BRD10: variants seen among roughly 807,000 people sequenced by gnomAD.
The protein encoded by BRD10 is bromodomain containing 10, also known as uncharacterized bromodomain-containing protein 10.
chr9:5,944,946 A>G, the BRD10 span: 1 of 1,524,450 alleles, frequency 6.6e-7, no homozygotes, highest in Non-Finnish European at 8.9e-7. Flanking sequence ...GTTCATCAAG[A>G]TTAGTGCAAA....
the BRD10 span, among the ~76,000 whole-genome samples, chr9:5,992,351 G>C: frequency 0.059 from 8,984 of 152,014 alleles, 508 homozygotes; most frequent in African/African-American, 0.14. Flanking sequence ...CATAATTAAG[G>C]TTTAAAAATT....
At chr9:5,917,636 GAGGTC>G in the BRD10 span, among the ~76,000 whole-genome samples, 1 of 152,230 alleles carries the variant, frequency 6.6e-6, no homozygotes, top group South Asian at 2.1e-4. Flanking sequence ...CGGATCACCT[GAGGTC>G]AGGAGTTCGA....
At chr9:5,882,685 CT>C in the BRD10 span, among the ~76,000 whole-genome samples, 1 of 152,188 alleles carries the variant, frequency 6.6e-6, no homozygotes, top group African/African-American at 2.4e-5. Context: ...TTCACTTTTC[CT>C]TTAAAAACCC....
At chr9:6,007,196 G>A in the BRD10 span, 5 of 1,610,772 alleles carry the variant, frequency 3.1e-6, no homozygotes, top group African/African-American at 2.7e-5. Context: ...CTCGCTTACC[G>A]AGAGAGAAGC....
the BRD10 span, among the ~76,000 whole-genome samples, chr9:5,927,936 C>T: frequency 6.6e-6 from 1 of 152,160 alleles, no homozygotes; most frequent in Admixed American, 6.5e-5. Flanking sequence ...TACCTCCAGA[C>T]TCCCTTGAAC....
chr9:5,949,736 C>T, the BRD10 span, among the ~76,000 whole-genome samples: 1 of 152,052 alleles, frequency 6.6e-6, no homozygotes, highest in Non-Finnish European at 1.5e-5. Flanking sequence ...AGACTCAACA[C>T]ATTAGTTTTT....
the BRD10 span, among the ~76,000 whole-genome samples, chr9:5,952,039 A>AT: frequency 1.5e-4 from 22 of 151,618 alleles, no homozygotes; most frequent in Admixed American, 9.9e-4. Flanking sequence ...TTATTTATTT[A>AT]GAGACAGAGT....
At chr9:5,993,417 T>G in the BRD10 span, among the ~76,000 whole-genome samples, 1 of 151,750 alleles carries the variant, frequency 6.6e-6, no homozygotes, top group Non-Finnish European at 1.5e-5. Context: ...CTAAGGGTCC[T>G]GGAAAGAAAT....
At chr9:5,916,499 A>ATGTATG in the BRD10 span, among the ~76,000 whole-genome samples, 1 of 148,256 alleles carries the variant, frequency 6.7e-6, no homozygotes, top group Non-Finnish European at 1.5e-5. Flanking sequence ...GTGTATATAT[A>ATGTATG]TGTATGTGTA....
the BRD10 span, among the ~76,000 whole-genome samples, chr9:5,889,553 G>A: frequency 6.6e-6 from 1 of 152,192 alleles, no homozygotes; most frequent in Admixed American, 6.5e-5. Flanking sequence ...TTGGGAGGCT[G>A]AGGCAGGTGG....
the BRD10 span, among the ~76,000 whole-genome samples, chr9:5,906,127 G>A: frequency 4.0e-5 from 6 of 151,446 alleles, no homozygotes; most frequent in African/African-American, 1.2e-4. Context: ...GAGGCAGGAG[G>A]ATTGCTTGAG....
chr9:5,985,175 C>T, the BRD10 span, among the ~76,000 whole-genome samples: 1 of 152,142 alleles, frequency 6.6e-6, no homozygotes, highest in Non-Finnish European at 1.5e-5. Context: ...TTTTGTTCAA[C>T]AAATGATACT....
the BRD10 span, among the ~76,000 whole-genome samples, chr9:5,883,492 G>T: frequency 2.7e-5 from 3 of 112,626 alleles, no homozygotes; most frequent in Non-Finnish European, 3.5e-5. Flanking sequence ...TTGAGACAGG[G>T]TCTTGCTCTT....
chr9:5,978,967 T>C, the BRD10 span, among the ~76,000 whole-genome samples: 1 of 152,184 alleles, frequency 6.6e-6, no homozygotes, highest in Non-Finnish European at 1.5e-5. Context: ...ACTTGTACTA[T>C]AGGAAATTAC....
the BRD10 span, among the ~76,000 whole-genome samples, chr9:5,964,209 G>GA: frequency 7.0e-6 from 1 of 143,472 alleles, no homozygotes; most frequent in African/African-American, 2.6e-5. Context: ...AAATTTACAA[G>GA]AAAAAAACAA....
At chr9:5,896,115 T>G in the BRD10 span, among the ~76,000 whole-genome samples, 1 of 152,222 alleles carries the variant, frequency 6.6e-6, no homozygotes, top group African/African-American at 2.4e-5. Context: ...ACTTGCTTGG[T>G]CTCCCGTTCC....
the BRD10 span, among the ~76,000 whole-genome samples, chr9:5,929,389 A>C: frequency 1.3e-5 from 2 of 152,172 alleles, no homozygotes; most frequent in African/African-American, 4.8e-5. Context: ...TGGAAGATAA[A>C]AATTTTAAAA....
the BRD10 span, among the ~76,000 whole-genome samples, chr9:5,937,197 C>A: frequency 6.8e-6 from 1 of 146,298 alleles, no homozygotes. Context: ...CCACTACACT[C>A]TAGCCTGGGC....
chr9:6,003,232 T>C, the BRD10 span, among the ~76,000 whole-genome samples: 852 of 152,332 alleles, frequency 5.6e-3, 9 homozygotes, highest in African/African-American at 0.02. Flanking sequence ...GTGTCACTGG[T>C]GATGCATCTT....
Sources: allele counts gnomAD v4.1 joint callset (sites outside exome capture counted in the v4.1 genomes callset), GRCh38; gene constraint gnomAD v4.1.1; transcripts MANE v1.5; gene names NCBI Gene and HGNC (gene_info 2026-07-23, HGNC 2026-07-21).